Variants in USH2A observed in about 807,000 individuals in gnomAD.
USH2A encodes usherin.
A neutral mutation model predicts 538.9 loss-of-function variants in USH2A; 443 were observed. The ratio of observed to expected loss-of-function variants is 0.82; its 90% CI spans 0.76 to 0.89. USH2A has a LOEUF of 0.89. USH2A is among the 40% of genes least tolerant of loss of function. USH2A has a pLI of 0.00. For missense variants in USH2A, 6,633 were observed against 6,324.8 expected (o/e 1.05, Z -1.65); for synonymous variants, 2,413 against 2,273.5 (o/e 1.06, Z -1.75).
At position 216,156,052 on chromosome 1, in the gene USH2A, C is replaced by T. The variant is rs181608640; in HGVS notation, c.4627+19200G>A. On this transcript the variant is annotated intron_variant, in intron 21 of 71. Coordinates refer to ENST00000307340, the MANE Select transcript of USH2A (RefSeq NM_206933.4). ...GGTCTTATAAAGATGAATAAAATTACGTTCAAAATTTTCAATGTGATGGCC... is the reference window on the plus strand; with the variant it reads ...GGTCTTATAAAGATGAATAAAATTATGTTCAAAATTTTCAATGTGATGGCC... Among the ~76,000 whole-genome samples the T allele has an allele frequency of 6.2e-4, 94 of 152,164 alleles. 1 individual carries two copies. In the East Asian group the frequency reaches 0.016, roughly 27 times the overall value.
At position 216,073,851 on chromosome 1, in the gene USH2A, T is replaced by C. The variant is rs563208787; in HGVS notation, c.5573-551A>G. Reference sequence around the variant, plus strand: ...AATATTGCCATGAATGGCATAATGATCACTTCAGAGGTATAGAATTTAGCC... The same window carrying C: ...AATATTGCCATGAATGGCATAATGACCACTTCAGAGGTATAGAATTTAGCC... On this transcript the variant is annotated intron_variant, in intron 27 of 71. Coordinates refer to ENST00000307340, the MANE Select transcript of USH2A (RefSeq NM_206933.4). Among the ~76,000 whole-genome samples, 5 of 152,356 alleles carry C rather than the reference T, an allele frequency of 3.3e-5. No homozygotes were observed. The East Asian group carries it at 9.6e-4, about 29-fold the overall frequency.
intron 43 of USH2A, among the ~76,000 whole-genome samples, chr1:215,867,597 A>G (rs1395460916): frequency 6.6e-6 from 1 of 152,202 alleles, no homozygotes; most frequent in African/African-American, 2.4e-5. Flanking sequence ...TCCATTTTCA[A>G]ATATCAGAAT....
intron 70 of USH2A, among the ~76,000 whole-genome samples, chr1:215,631,598 G>A (rs1340266816): frequency 6.6e-6 from 1 of 152,190 alleles, no homozygotes; most frequent in Non-Finnish European, 1.5e-5. Flanking sequence ...CAGGCTCAGG[G>A]GAATTCCACC....
intron 21 of USH2A, among the ~76,000 whole-genome samples, chr1:216,113,329 T>C (rs2032921826): frequency 6.6e-6 from 1 of 152,050 alleles, no homozygotes; most frequent in South Asian, 2.1e-4. Context: ...TGAACTGAAA[T>C]TGTCATCTAA....
At chr1:215,750,660 T>C (rs1180453904) in intron 58 of USH2A, among the ~76,000 whole-genome samples, 1 of 152,210 alleles carries the variant, frequency 6.6e-6, no homozygotes, top group Non-Finnish European at 1.5e-5. Context: ...ATCATTTGCT[T>C]TCCGCACGTT....
At chr1:216,190,400 A>C (rs748049427) in intron 19 of USH2A, 33 bp from the exon 20 acceptor site, 7 of 1,605,980 alleles carry the variant, frequency 4.4e-6, no homozygotes, top group Non-Finnish European at 5.1e-6. Flanking sequence ...AGAAAGAAAG[A>C]AAGATAATAG....
chr1:215,973,355 T>G (rs535808153), intron 35 of USH2A, among the ~76,000 whole-genome samples: 1 of 152,286 alleles, frequency 6.6e-6, no homozygotes, highest in East Asian at 1.9e-4. Context: ...TCTAAAAATC[T>G]TAACCACTTT....
chr1:215,963,850 A>C (rs1431577462), intron 37 of USH2A, among the ~76,000 whole-genome samples: 2 of 152,036 alleles, frequency 1.3e-5, no homozygotes, highest in Non-Finnish European at 2.9e-5. Context: ...CATTTACCTT[A>C]ATCTGTGACT....
rs572905158 is a variant in USH2A at position 216,250,227 on chromosome 1, C to T, written c.2167+676G>A. Among the ~76,000 whole-genome samples, 126 of 151,948 alleles carry T rather than the reference C, an allele frequency of 8.3e-4. 1 individual carries two copies. Among genetic ancestry groups the T allele is most frequent in the African/African-American group, 2.6e-3 (107 of 41,452 alleles). On this transcript the variant is annotated intron_variant, in intron 12 of 71. Coordinates refer to ENST00000307340, the MANE Select transcript of USH2A (RefSeq NM_206933.4). Reference sequence around the variant, plus strand: ...AATTGCTATAATCAAATCTAATTTCCGAAAAATACCTGTGGGAGTAACAAA... The same window carrying T: ...AATTGCTATAATCAAATCTAATTTCTGAAAAATACCTGTGGGAGTAACAAA...
intron 61 of USH2A, among the ~76,000 whole-genome samples, chr1:215,722,887 A>C (rs2797217): frequency 0.89 from 136,167 of 152,184 alleles, 61,588 homozygotes; most frequent in Non-Finnish European, 0.98. Context: ...ATCCCAAATT[A>C]TCAGATTTAT....
intron 64 of USH2A, among the ~76,000 whole-genome samples, chr1:215,652,025 C>T (rs1217291360): frequency 6.6e-6 from 1 of 152,266 alleles, no homozygotes; most frequent in Non-Finnish European, 1.5e-5. Flanking sequence ...GATACACCTG[C>T]TCTTTTTAGA....
intron 27 of USH2A, 142 bp downstream of exon 27, chr1:216,077,947 G>C: frequency 9.6e-7 from 1 of 1,039,846 alleles, no homozygotes. Context: ...AGTTTTTAAG[G>C]TTTAAATTTC....
intron 67 of USH2A, among the ~76,000 whole-genome samples, chr1:215,644,759 C>T (rs1190923707): frequency 6.6e-6 from 1 of 152,134 alleles, no homozygotes; most frequent in Admixed American, 6.6e-5. Flanking sequence ...TCATCCAGTG[C>T]TGAGGAAGTT....
At chr1:216,382,870 T>C (rs1235995298) in intron 3 of USH2A, among the ~76,000 whole-genome samples, 4 of 152,116 alleles carry the variant, frequency 2.6e-5, no homozygotes, top group Non-Finnish European at 4.4e-5. Context: ...AATAAAACTA[T>C]ATTGGTCACT....
At chr1:216,251,202 T>C in intron 11 of USH2A, 104 bp from the exon 12 acceptor site, 1 of 1,130,770 alleles carries the variant, frequency 8.8e-7, no homozygotes, top group South Asian at 1.3e-5. Flanking sequence ...AACTAAATGT[T>C]CAACAGACAA....
At chr1:215,776,164 A>T (rs1327037191) in intron 55 of USH2A, among the ~76,000 whole-genome samples, 1 of 152,162 alleles carries the variant, frequency 6.6e-6, no homozygotes, top group African/African-American at 2.4e-5. Flanking sequence ...AGGATGGTGG[A>T]TGTGTTTAGT....
At chr1:216,247,343 A>C in intron 12 of USH2A, 117 bp from the exon 13 acceptor site, 180 of 1,295,808 alleles carry the variant, frequency 1.4e-4, no homozygotes, top group Non-Finnish European at 1.7e-4. Context: ...GTGTTTTCTC[A>C]CAAGCAATGC....
chr1:216,402,761 AG>A (rs2039328549), intron 3 of USH2A, among the ~76,000 whole-genome samples: 2 of 152,244 alleles, frequency 1.3e-5, no homozygotes, highest in East Asian at 1.9e-4. Flanking sequence ...GGTGGTCAAA[AG>A]TTAAATGCAA....
At chr1:215,690,429 C>T (rs750513845) in intron 61 of USH2A, among the ~76,000 whole-genome samples, 2 of 152,296 alleles carry the variant, frequency 1.3e-5, no homozygotes, top group East Asian at 1.9e-4. Context: ...CTAGAGAAAG[C>T]GCTCATCTTT....
Sources: allele counts gnomAD v4.1 joint callset (sites outside exome capture counted in the v4.1 genomes callset), GRCh38; gene constraint gnomAD v4.1.1; transcripts MANE v1.5; gene names NCBI Gene and HGNC (gene_info 2026-07-23, HGNC 2026-07-21).